GPC5: variants seen among roughly 807,000 people sequenced by gnomAD.
GPC5 encodes glypican-5.
Under a neutral mutation model 53.9 loss-of-function variants are expected in GPC5, and 47 were observed. That is an observed-to-expected ratio of 0.87 (90% CI 0.69 to 1.11). The LOEUF (loss-of-function observed/expected upper bound fraction) is 1.11. Among genes scored for constraint, GPC5 ranks in the 50% most tolerant of loss-of-function variants. The pLI is 0.00. For synonymous variants in GPC5, 286 were observed against 263.3 expected (o/e 1.09, Z -0.84); for missense variants, 748 against 713.1 (o/e 1.05, Z -0.56).
At chr13:92,333,802 A>C (rs1049486529) in intron 7 of GPC5, among the ~76,000 whole-genome samples, 1 of 152,152 alleles carries the variant, frequency 6.6e-6, no homozygotes, top group African/African-American at 2.4e-5. Flanking sequence ...GCAAGCAGAC[A>C]TGACAGGGAT....
intron 7 of GPC5, among the ~76,000 whole-genome samples, chr13:92,542,745 C>G (rs1269071354): frequency 2.0e-5 from 3 of 151,968 alleles, no homozygotes; most frequent in Non-Finnish European, 4.4e-5. Flanking sequence ...AGTGTATTCC[C>G]GTTAGGTACA....
chr13:91,558,897 A>T (rs1359754269), intron 2 of GPC5, among the ~76,000 whole-genome samples: 3 of 152,032 alleles, frequency 2.0e-5, no homozygotes, highest in Admixed American at 6.6e-5. Flanking sequence ...AGCCCTATAT[A>T]TTCCTCCTGT....
At chr13:91,967,809 A>C (rs1041361185) in intron 6 of GPC5, among the ~76,000 whole-genome samples, 3 of 152,118 alleles carry the variant, frequency 2.0e-5, no homozygotes, top group African/African-American at 7.2e-5. Flanking sequence ...TTTCAACTAA[A>C]GTTTATACAA....
At chr13:92,002,731 A>T (rs9523474) in intron 6 of GPC5, among the ~76,000 whole-genome samples, 1 of 151,960 alleles carries the variant, frequency 6.6e-6, no homozygotes, top group Non-Finnish European at 1.5e-5. Context: ...ACCAAAAAAA[A>T]CTACTTTTAG....
At chr13:91,958,880 G>C (rs1250736471) in intron 6 of GPC5, among the ~76,000 whole-genome samples, 1 of 151,906 alleles carries the variant, frequency 6.6e-6, no homozygotes, top group Non-Finnish European at 1.5e-5. Flanking sequence ...AGCAAAAACT[G>C]TGCTAAGAGG....
chr13:92,082,291 T>C (rs187585770), intron 6 of GPC5, among the ~76,000 whole-genome samples: 102 of 152,270 alleles, frequency 6.7e-4, no homozygotes, highest in Admixed American at 9.8e-4. Flanking sequence ...GTACTGTTCT[T>C]TTATTAAAAG....
chr13:91,813,596 C>A (rs1004691737), intron 5 of GPC5, among the ~76,000 whole-genome samples: 13 of 152,250 alleles, frequency 8.5e-5, no homozygotes, highest in African/African-American at 3.1e-4. Flanking sequence ...CATCCTCATG[C>A]ATGGTTTTCA....
At chr13:91,855,447 G>A (rs2038957396) in intron 5 of GPC5, among the ~76,000 whole-genome samples, 1 of 151,640 alleles carries the variant, frequency 6.6e-6, no homozygotes, top group African/African-American at 2.4e-5. Context: ...ATATTATGGA[G>A]TTATGGAAAA....
At chr13:91,888,951 G>A (rs1349879271) in intron 5 of GPC5, among the ~76,000 whole-genome samples, 3 of 152,132 alleles carry the variant, frequency 2.0e-5, no homozygotes, top group Admixed American at 2.0e-4. Context: ...AGGGAGAGAA[G>A]AATGTCAGAA....
At chr13:91,428,612 G>A (rs1359669835) in intron 1 of GPC5, among the ~76,000 whole-genome samples, 2 of 152,100 alleles carry the variant, frequency 1.3e-5, no homozygotes, top group East Asian at 3.9e-4. Flanking sequence ...AGTTTCACTG[G>A]GGACCTGTCC....
intron 7 of GPC5, among the ~76,000 whole-genome samples, chr13:92,301,846 C>T (rs931002647): frequency 2.7e-4 from 41 of 152,038 alleles, no homozygotes; most frequent in African/African-American, 5.6e-4. Context: ...TGCAGTGAAA[C>T]GAGATCGTGC....
intron 7 of GPC5, among the ~76,000 whole-genome samples, chr13:92,257,318 C>A (rs1391689047): frequency 6.6e-6 from 1 of 151,696 alleles, no homozygotes; most frequent in Non-Finnish European, 1.5e-5. Context: ...CTATTTGGAG[C>A]TGTTTTGCTG....
chr13:91,829,912 T>G (rs112314599), intron 5 of GPC5, among the ~76,000 whole-genome samples: 6,730 of 152,132 alleles, frequency 0.044, 175 homozygotes, highest in Middle Eastern at 0.068. Flanking sequence ...ATGGAGGCAG[T>G]GTGAGATCAC....
At chr13:92,725,908 C>T (rs1289881722) in intron 7 of GPC5, among the ~76,000 whole-genome samples, 2 of 151,592 alleles carry the variant, frequency 1.3e-5, no homozygotes, top group Non-Finnish European at 3.0e-5. Flanking sequence ...TAATGATGCC[C>T]TCTGACTTTT....
At chr13:92,138,260 C>G (rs559078140) in intron 6 of GPC5, among the ~76,000 whole-genome samples, 3 of 152,088 alleles carry the variant, frequency 2.0e-5, no homozygotes, top group Non-Finnish European at 4.4e-5. Context: ...GTGGCTCACA[C>G]CTATAATCCC....
intron 7 of GPC5, among the ~76,000 whole-genome samples, chr13:92,838,674 A>G (rs918633816): frequency 2.6e-5 from 4 of 152,142 alleles, no homozygotes; most frequent in Non-Finnish European, 4.4e-5. Context: ...TGTCTGACAA[A>G]TAACTTTAAA....
chr13:92,167,411 T>C (rs1169744325), intron 7 of GPC5, among the ~76,000 whole-genome samples: 1 of 152,092 alleles, frequency 6.6e-6, no homozygotes, highest in Non-Finnish European at 1.5e-5. Flanking sequence ...TTCCACAGGG[T>C]TTTAAAATGA....
At chr13:92,749,466 A>G (rs1452601076) in intron 7 of GPC5, among the ~76,000 whole-genome samples, 1 of 152,174 alleles carries the variant, frequency 6.6e-6, no homozygotes, top group African/African-American at 2.4e-5. Flanking sequence ...TATGTTTCAC[A>G]ATAACTGTAA....
chr13:92,638,002 G>A lies in GPC5; in HGVS notation c.1562-228280G>A, dbSNP rs533946336. 2.0e-5 allele frequency among the ~76,000 whole-genome samples: 3 copies of A among 152,170 alleles called. No individual in the cohort carries two copies. In the East Asian group the frequency reaches 5.8e-4, roughly 30 times the overall value. ...TGAAATCAAAAGCAGATTATCAATT[G>A]TAGTAAAAAAACAGTGAATGTAATT... On this transcript the variant is annotated intron_variant, in intron 7 of 7. Transcript: ENST00000377067.
Sources: gnomAD v4.1 joint callset for allele counts (sites outside exome capture counted in the v4.1 genomes callset) on GRCh38, gnomAD v4.1.1 for gene constraint, MANE v1.5 for transcripts, NCBI Gene and HGNC (gene_info 2026-07-23, HGNC 2026-07-21) for gene names.